Variants in RPS6KA2 observed in about 807,000 individuals in gnomAD.
The protein encoded by RPS6KA2 is ribosomal protein S6 kinase A2.
A neutral mutation model predicts 91.8 loss-of-function variants in RPS6KA2; 42 were observed. The observed-to-expected ratio is 0.46, with a 90% CI of 0.36 to 0.59. The LOEUF (loss-of-function observed/expected upper bound fraction) is 0.59. Among genes scored for constraint, RPS6KA2 ranks in the 20% least tolerant of loss-of-function variants. The probability of loss-of-function intolerance (pLI) is 0.00; values close to 1 mark genes in which losing one functional copy is unlikely to be tolerated. For synonymous variants in RPS6KA2, 414 were observed against 393.6 expected (o/e 1.05, Z -0.61); for missense variants, 798 against 978.5 (o/e 0.82, Z 2.46).
chr6:166,653,247 G>A (rs1787915058), intron 2 of RPS6KA2, among the ~76,000 whole-genome samples: 1 of 152,238 alleles, frequency 6.6e-6, no homozygotes, highest in South Asian at 2.1e-4. Context: ...GTTTAGTAGA[G>A]ACAGGGTTTC....
chr6:166,711,652 A>G (rs1789857600), intron 2 of RPS6KA2, among the ~76,000 whole-genome samples: 1 of 152,134 alleles, frequency 6.6e-6, no homozygotes, highest in African/African-American at 2.4e-5. Flanking sequence ...CGAGGGAACA[A>G]AGGAAAGAAA....
At chr6:166,545,452 C>T (rs371224207) in intron 1 of RPS6KA2, among the ~76,000 whole-genome samples, 40 of 152,188 alleles carry the variant, frequency 2.6e-4, no homozygotes, top group African/African-American at 9.4e-4. Flanking sequence ...CACTGAAGCT[C>T]CTCGGAACTG....
At chr6:166,805,311 G>C (rs1180026186) in intron 2 of RPS6KA2, among the ~76,000 whole-genome samples, 1 of 152,180 alleles carries the variant, frequency 6.6e-6, no homozygotes, top group Non-Finnish European at 1.5e-5. Context: ...TCTGATCACA[G>C]AGTTGCAGAC....
chr6:166,651,083 C>G (rs911011499), intron 2 of RPS6KA2, among the ~76,000 whole-genome samples: 1 of 152,118 alleles, frequency 6.6e-6, no homozygotes, highest in Non-Finnish European at 1.5e-5. Context: ...GCTGTCAATC[C>G]GAAAATGTCA....
At chr6:166,515,317 C>T (rs564767877) in intron 3 of RPS6KA2, among the ~76,000 whole-genome samples, 4 of 152,302 alleles carry the variant, frequency 2.6e-5, no homozygotes, top group East Asian at 1.9e-4. Context: ...ATGAGGACAT[C>T]GCTCATCCCC....
At chr6:166,660,286 C>T (rs1477255755) in intron 2 of RPS6KA2, among the ~76,000 whole-genome samples, 2 of 137,396 alleles carry the variant, frequency 1.5e-5, no homozygotes, top group African/African-American at 2.7e-5. Flanking sequence ...TGTAAGTCTG[C>T]CTCCTGTATC....
intron 12 of RPS6KA2, among the ~76,000 whole-genome samples, chr6:166,455,084 T>C (rs989173388): frequency 3.3e-5 from 5 of 152,148 alleles, no homozygotes; most frequent in Admixed American, 2.6e-4. Context: ...TCGAGAATTC[T>C]CTACCCGCAG....
chr6:166,514,146 T>C lies in RPS6KA2; in HGVS notation c.299-3789A>G, dbSNP rs145880862. On this transcript the variant is annotated intron_variant, in intron 3 of 20. Coordinates refer to ENST00000265678, the MANE Select transcript of RPS6KA2 (RefSeq NM_021135.6). ...TTTTGCAAATCAGACAGCTGAATGG[T>C]GAGGTCACAATTCTTGCCGCTTGGC... Among the ~76,000 whole-genome samples the C allele has an allele frequency of 2.7e-3, 414 of 152,308 alleles. 1 individual carries two copies. The highest frequency in any genetic ancestry group is 9.7e-3 in the African/African-American group (404 of 41,566).
intron 2 of RPS6KA2, among the ~76,000 whole-genome samples, chr6:166,707,496 G>A (rs1322760121): frequency 6.6e-6 from 1 of 152,194 alleles, no homozygotes; most frequent in Non-Finnish European, 1.5e-5. Context: ...AAGTGGCAGA[G>A]GAATGAAAAT....
chr6:166,423,561 C>G lies in RPS6KA2; in HGVS notation c.1582-144G>C. On this transcript the variant is annotated intron_variant, in intron 16 of 20. Coordinates refer to ENST00000265678, the MANE Select transcript of RPS6KA2 (RefSeq NM_021135.6). This position sits in a 1 kb window ranked among gnomAD's most constrained non-coding sequence, Gnocchi z 4.8. ...GCAGGCAACAGGCCAACAGTGTCAA[C>G]AGCTGCTGTCTTCTCCAGAGGGCCC... is the stretch of plus-strand genomic sequence containing the variant. 1 of 716,692 alleles carries G rather than the reference C, an allele frequency of 1.4e-6. No homozygotes were observed. Among genetic ancestry groups the G allele is most frequent in the South Asian group, 2.0e-5 (1 of 50,932 alleles). The allele number at this position is 716,692 out of a possible 1,614,324, so 44.4% of individuals were successfully genotyped here.
chr6:166,629,798 C>T (rs115311986), upstream of RPS6KA2, among the ~76,000 whole-genome samples: 565 of 152,220 alleles, frequency 3.7e-3, 2 homozygotes, highest in African/African-American at 0.012. Context: ...AGACTGAATT[C>T]CGTGGTGACT....
At position 166,557,096 on chromosome 6, in the gene RPS6KA2, C is replaced by T. The variant is rs926801109; in HGVS notation, c.100-18312G>A. Among the ~76,000 whole-genome samples the T allele has an allele frequency of 6.6e-6, 1 of 152,240 alleles. No homozygotes were observed. The highest frequency in any genetic ancestry group is 1.5e-5 in the Non-Finnish European group (1 of 68,044). ...CGCCTCGCCAAACACGTTTTCTCTT[C>T]CTGTTACCCAGTGCCAAGTGGCTGT... On this transcript the variant is annotated intron_variant, in intron 1 of 20. Transcript: ENST00000265678. This position sits in a 1 kb window ranked among gnomAD's most constrained non-coding sequence, Gnocchi z 4.8.
chr6:166,528,065 C>T (rs1216114607), intron 3 of RPS6KA2, among the ~76,000 whole-genome samples: 1 of 152,182 alleles, frequency 6.6e-6, no homozygotes, highest in African/African-American at 2.4e-5. Context: ...TCTTGGTGAA[C>T]CGCCTAGGAG....
chr6:166,582,769 T>C (rs1159316092), intron 1 of RPS6KA2, among the ~76,000 whole-genome samples: 1 of 152,228 alleles, frequency 6.6e-6, no homozygotes, highest in Non-Finnish European at 1.5e-5. Flanking sequence ...TTTTAGGGGT[T>C]CTTATGTAAG....
chr6:166,798,330 A>G (rs1779276563), intron 2 of RPS6KA2, among the ~76,000 whole-genome samples: 1 of 152,230 alleles, frequency 6.6e-6, no homozygotes, highest in African/African-American at 2.4e-5. Context: ...AAAAGTGCCA[A>G]TGCCACGGCC....
chr6:166,857,501 T>TC (rs530450540), intron 2 of RPS6KA2, among the ~76,000 whole-genome samples: 36 of 152,318 alleles, frequency 2.4e-4, no homozygotes, highest in Admixed American at 2.0e-3. Context: ...TACCAAAATC[T>TC]CCCCTGAGAA....
intron 2 of RPS6KA2, among the ~76,000 whole-genome samples, chr6:166,815,066 A>G (rs1779729897): frequency 6.6e-6 from 1 of 152,216 alleles, no homozygotes; most frequent in African/African-American, 2.4e-5. Flanking sequence ...GTTTTACCCT[A>G]GCACTTGAAA....
chr6:166,694,495 A>G (rs1267226847), intron 2 of RPS6KA2, among the ~76,000 whole-genome samples: 1 of 152,256 alleles, frequency 6.6e-6, no homozygotes, highest in Non-Finnish European at 1.5e-5. Context: ...GGATAAAAAA[A>G]TGTCTGAAAC....
rs1259216173 is a variant in RPS6KA2, at chr6:166,557,783, C to T, written c.100-18999G>A. 2.6e-5 allele frequency among the ~76,000 whole-genome samples: 4 copies of T among 152,200 alleles called. No individual in the cohort carries two copies. The highest frequency in any genetic ancestry group is 5.9e-5 in the Non-Finnish European group (4 of 68,044). On this transcript the variant is annotated intron_variant, in intron 1 of 20. Transcript: ENST00000265678. This position sits in a 1 kb window ranked among gnomAD's most constrained non-coding sequence, Gnocchi z 4.8. ...TCTCTATATACAGACTTTCCTCACTCTGTGAACCCTCACTATCCTAATATT... is the reference window on the plus strand; with the variant it reads ...TCTCTATATACAGACTTTCCTCACTTTGTGAACCCTCACTATCCTAATATT...
Sources: allele counts gnomAD v4.1 joint callset (sites outside exome capture counted in the v4.1 genomes callset), GRCh38; gene constraint gnomAD v4.1.1; non-coding constraint Gnocchi (gnomAD v3.1); transcripts MANE v1.5; gene names NCBI Gene and HGNC (gene_info 2026-07-23, HGNC 2026-07-21).